The following UNC13C variants were observed in gnomAD, a reference collection of about 807,000 sequenced individuals.
UNC13C encodes unc-13 homolog C, also known as protein unc-13 homolog C.
Under a neutral mutation model 245.4 loss-of-function variants are expected in UNC13C, and 174 were observed. The observed-to-expected ratio is 0.71, with a 90% CI of 0.63 to 0.80. The LOEUF is 0.80. Ranked by LOEUF, UNC13C falls within the 30% of genes least tolerant of loss-of-function variation. The pLI, the probability that UNC13C is intolerant of heterozygous loss-of-function variation, is 0.00. For synonymous variants in UNC13C, 992 were observed against 895.1 expected (o/e 1.11, Z -1.93); for missense variants, 2,829 against 2,602.9 (o/e 1.09, Z -1.89).
chr15:54,097,859 A>G (rs1007549994), intron 2 of UNC13C, among the ~76,000 whole-genome samples: 11 of 152,236 alleles, frequency 7.2e-5, no homozygotes, highest in African/African-American at 2.2e-4. Flanking sequence ...TAAAATAAGT[A>G]TTGTGATGGG....
chr15:54,212,214 A>T (rs2034901822), intron 4 of UNC13C, among the ~76,000 whole-genome samples: 1 of 152,098 alleles, frequency 6.6e-6, no homozygotes, highest in Admixed American at 6.6e-5. Context: ...GTAAGTAGCT[A>T]AGCTTTCATC....
intron 19 of UNC13C, among the ~76,000 whole-genome samples, chr15:54,435,592 G>C (rs994833266): frequency 6.7e-6 from 1 of 149,816 alleles, no homozygotes; most frequent in Non-Finnish European, 1.5e-5. Flanking sequence ...TGGGGGTGGG[G>C]GACTAGGGGA....
Position 54,500,866 on chromosome 15 carries a change from C to T in UNC13C, c.5189C>T (p.Ser1730Phe). ...FQQTSEHALF[S>F]CSVVDVFAQL... ...CAGACATCTGAGCATGCTCTCTTTT[C>T]TTGCTCCGTGGTTGATGTCTTTGCT... The change falls in exon 22 of 33, where the codon TCT becomes TTT. Residue 1730 changes from serine to phenylalanine, a missense_variant. Physicochemically the swap from Ser to Phe is radical, Grantham distance 155. Transcript: ENST00000260323. 1 of 1,612,980 alleles carries T rather than the reference C, an allele frequency of 6.2e-7. No individual in the cohort carries two copies. The highest frequency in any genetic ancestry group is 8.5e-7 in the Non-Finnish European group (1 of 1,179,272).
the UNC13C span, among the ~76,000 whole-genome samples, chr15:53,933,149 T>C: frequency 6.6e-6 from 1 of 152,178 alleles, no homozygotes; most frequent in Non-Finnish European, 1.5e-5. Context: ...ATCCTTATCA[T>C]CTCAGCCTGG....
Position 54,266,569 on chromosome 15 carries a change from C to T in UNC13C, c.3818+1073C>T, listed in dbSNP as rs535655614. The stretch of plus-strand genomic sequence containing the variant: ...AAAAGAAATGGCTTCCGTTGCCATG[C>T]GATCATGTAGACAAGATGCAGCTAG... On this transcript the variant is annotated intron_variant, in intron 10 of 32. Transcript: ENST00000260323. Among the ~76,000 whole-genome samples, 53 of 152,072 alleles carry T rather than the reference C, an allele frequency of 3.5e-4. 2 individuals carry two copies. Among genetic ancestry groups the T allele is most frequent in the African/African-American group, 1.2e-3 (50 of 41,528 alleles).
chr15:54,019,845 G>A (rs1895816465), intron 2 of UNC13C, among the ~76,000 whole-genome samples: 2 of 152,116 alleles, frequency 1.3e-5, no homozygotes, highest in Non-Finnish European at 2.9e-5. Context: ...TTTTGTAGTA[G>A]TTGTTCCTGG....
At chr15:54,101,597 T>C (rs1177871595) in intron 2 of UNC13C, among the ~76,000 whole-genome samples, 1 of 152,170 alleles carries the variant, frequency 6.6e-6, no homozygotes, top group Non-Finnish European at 1.5e-5. Flanking sequence ...CCTTTTTTTT[T>C]TGACAAGGAA....
chr15:54,437,213 A>G (rs1890266928), intron 19 of UNC13C, among the ~76,000 whole-genome samples: 1 of 151,982 alleles, frequency 6.6e-6, no homozygotes, highest in Non-Finnish European at 1.5e-5. Context: ...AATCCCCAGA[A>G]AGTTCCAAAA....
chr15:53,938,695 A>G, the UNC13C span, among the ~76,000 whole-genome samples: 1 of 152,232 alleles, frequency 6.6e-6, no homozygotes, highest in Non-Finnish European at 1.5e-5. Flanking sequence ...CTCCAGATTA[A>G]GAAATTCACG....
At chr15:54,151,661 C>T (rs546305407) in intron 4 of UNC13C, among the ~76,000 whole-genome samples, 74 of 152,246 alleles carry the variant, frequency 4.9e-4, no homozygotes, top group African/African-American at 1.7e-3. Flanking sequence ...CCCTGGGCCT[C>T]CCAAAGTGCT....
At chr15:54,195,898 A>C (rs991040994) in intron 4 of UNC13C, among the ~76,000 whole-genome samples, 1 of 152,134 alleles carries the variant, frequency 6.6e-6, no homozygotes, top group African/African-American at 2.4e-5. Flanking sequence ...AATTAAAATC[A>C]TCTGCCCAGC....
intron 10 of UNC13C, among the ~76,000 whole-genome samples, chr15:54,271,783 A>T (rs1452570263): frequency 6.6e-6 from 1 of 152,222 alleles, no homozygotes; most frequent in Non-Finnish European, 1.5e-5. Context: ...AATGCCTGTG[A>T]TAGGAGTGCA....
chr15:54,131,350 C>T (rs2141214736), intron 2 of UNC13C, among the ~76,000 whole-genome samples: 1 of 152,248 alleles, frequency 6.6e-6, no homozygotes, highest in African/African-American at 2.4e-5. Context: ...TGTGATTCCA[C>T]ATTGCGATTA....
downstream of UNC13C, chr15:54,632,541 A>C (rs1412790771): frequency 6.6e-6 from 1 of 152,226 alleles, no homozygotes. Context: ...GTTCATCTAT[A>C]ATTATTAAAT....
chr15:54,507,903 G>A (rs567910554), intron 23 of UNC13C, among the ~76,000 whole-genome samples: 8 of 149,880 alleles, frequency 5.3e-5, no homozygotes, highest in Non-Finnish European at 1.0e-4. Context: ...TTAAAAAAAA[G>A]AAAAACCAGT....
chr15:54,048,780 C>T (rs887854397), intron 2 of UNC13C: 4 of 249,292 alleles, frequency 1.6e-5, no homozygotes, highest in Non-Finnish European at 3.3e-5. Flanking sequence ...AACCAGAGGG[C>T]CGTTAACTCT....
chr15:54,484,647 C>G (rs4457946), intron 19 of UNC13C, among the ~76,000 whole-genome samples: 62,739 of 151,926 alleles, frequency 0.41, 13,220 homozygotes, highest in East Asian at 0.62. Context: ...TGACCTATCA[C>G]TTGGGCCCAT....
chr15:53,838,157 T>G, the UNC13C span, among the ~76,000 whole-genome samples: 1 of 152,170 alleles, frequency 6.6e-6, no homozygotes, highest in East Asian at 1.9e-4. Context: ...CATAAATTTA[T>G]GAGTCAATTT....
intron 10 of UNC13C, among the ~76,000 whole-genome samples, chr15:54,284,699 T>A (rs1193711756): frequency 6.6e-6 from 1 of 152,148 alleles, no homozygotes; most frequent in African/African-American, 2.4e-5. Context: ...ATATCTCTCT[T>A]CTTAAGTGGT....
Sources: allele counts gnomAD v4.1 joint callset (sites outside exome capture counted in the v4.1 genomes callset), GRCh38; gene constraint gnomAD v4.1.1; transcripts MANE v1.5; gene names NCBI Gene and HGNC (gene_info 2026-07-23, HGNC 2026-07-21).